ABCC4: variants seen among roughly 807,000 people sequenced by gnomAD.
ABCC4 encodes ATP binding cassette subfamily C member 4 (PEL blood group), also known as ATP-binding cassette sub-family C member 4.
A neutral mutation model predicts 168.5 loss-of-function variants in ABCC4; 102 were observed. That is an observed-to-expected ratio of 0.61 (90% CI 0.52 to 0.71). The LOEUF is 0.71. ABCC4 is among the 30% of genes least tolerant of loss of function. ABCC4 has a pLI of 0.00. For synonymous variants in ABCC4, 617 were observed against 590.7 expected, an observed-to-expected ratio of 1.04 and a Z score of -0.65; for missense variants, 1,402 against 1,605.8, an observed-to-expected ratio of 0.87 and a Z score of 2.17.
intron 8 of ABCC4, among the ~76,000 whole-genome samples, chr13:95,201,376 C>A (rs903455067): frequency 6.6e-6 from 1 of 152,182 alleles, no homozygotes; most frequent in Non-Finnish European, 1.5e-5. Flanking sequence ...GCCACACTCT[C>A]TGATGTGTGA....
intron 1 of ABCC4, among the ~76,000 whole-genome samples, chr13:95,297,736 C>CGGGCA (rs1221267608): frequency 6.6e-6 from 1 of 152,028 alleles, no homozygotes; most frequent in Non-Finnish European, 1.5e-5. Flanking sequence ...TTTGGGAGGC[C>CGGGCA]GAGGCAGGCA....
intron 8 of ABCC4, among the ~76,000 whole-genome samples, chr13:95,206,008 G>A (rs913194790): frequency 2.0e-5 from 3 of 152,148 alleles, no homozygotes; most frequent in Non-Finnish European, 2.9e-5. Flanking sequence ...GGAAAGAAAT[G>A]GCAGAGGTCC....
At chr13:95,068,321 G>A (rs1463252324) in intron 25 of ABCC4, among the ~76,000 whole-genome samples, 2 of 152,142 alleles carry the variant, frequency 1.3e-5, no homozygotes, top group Non-Finnish European at 2.9e-5. Context: ...AGTGAACCAG[G>A]ACACAAATCA....
At chr13:95,149,623 T>C (rs1335251142) in intron 19 of ABCC4, among the ~76,000 whole-genome samples, 1 of 152,138 alleles carries the variant, frequency 6.6e-6, no homozygotes, top group Non-Finnish European at 1.5e-5. Flanking sequence ...GTAAAGGTAA[T>C]GAAAAAAAAT....
At chr13:95,295,716 G>A (rs2041513080) in intron 1 of ABCC4, among the ~76,000 whole-genome samples, 1 of 151,954 alleles carries the variant, frequency 6.6e-6, no homozygotes, top group Non-Finnish European at 1.5e-5. Flanking sequence ...TGTAATCCCA[G>A]CACTTTGGGA....
At chr13:95,022,909 CT>C (rs1309471419) in intron 30 of ABCC4, among the ~76,000 whole-genome samples, 1 of 152,202 alleles carries the variant, frequency 6.6e-6, no homozygotes, top group East Asian at 1.9e-4. Context: ...TAAAATGTCA[CT>C]TAAGGAGAAA....
At chr13:95,052,517 G>C (rs1315162206) in intron 27 of ABCC4, among the ~76,000 whole-genome samples, 1 of 152,110 alleles carries the variant, frequency 6.6e-6, no homozygotes, top group Non-Finnish European at 1.5e-5. Context: ...ATAAATAATA[G>C]AAAAATCCTC....
At chr13:95,100,832 T>C (rs538359169) in intron 20 of ABCC4, among the ~76,000 whole-genome samples, 55 of 152,284 alleles carry the variant, frequency 3.6e-4, no homozygotes, top group Middle Eastern at 6.8e-3. Context: ...TAACGATCTC[T>C]TTTGTCCAAT....
intron 20 of ABCC4, among the ~76,000 whole-genome samples, chr13:95,106,716 A>G (rs972408886): frequency 1.3e-5 from 2 of 151,996 alleles, no homozygotes; most frequent in Non-Finnish European, 2.9e-5. Flanking sequence ...ATTAAGATAA[A>G]GGAGGGAGTA....
At chr13:95,045,630 T>C (rs141549065) in intron 27 of ABCC4, among the ~76,000 whole-genome samples, 1 of 152,332 alleles carries the variant, frequency 6.6e-6, no homozygotes, top group Non-Finnish European at 1.5e-5. Flanking sequence ...GATGATCTGA[T>C]ACTACATTGG....
At chr13:95,039,856 A>C (rs1438418590) in intron 29 of ABCC4, among the ~76,000 whole-genome samples, 1 of 152,190 alleles carries the variant, frequency 6.6e-6, no homozygotes, top group African/African-American at 2.4e-5. Context: ...ATAAAGCCTG[A>C]CCATAGGAAA....
chr13:95,278,468 G>A (rs1378851072), intron 1 of ABCC4, among the ~76,000 whole-genome samples: 1 of 152,142 alleles, frequency 6.6e-6, no homozygotes, highest in East Asian at 1.9e-4. Context: ...TTCTAGATGG[G>A]TGATCAAGGC....
At chr13:95,209,323 G>C in intron 6 of ABCC4, 111 bp downstream of exon 6, 1 of 1,268,998 alleles carries the variant, frequency 7.9e-7, no homozygotes, top group Non-Finnish European at 1.1e-6. Context: ...TGCAACATAT[G>C]CAAGGAAGAG....
At chr13:95,158,085 A>G (rs1321599077) in intron 19 of ABCC4, among the ~76,000 whole-genome samples, 5 of 151,880 alleles carry the variant, frequency 3.3e-5, no homozygotes, top group Admixed American at 3.3e-4. Context: ...AAAAAAAAAA[A>G]AAAAGAAACA....
At chr13:95,187,097 TGTAAC>T (rs1415640568) in intron 10 of ABCC4, among the ~76,000 whole-genome samples, 4 of 151,898 alleles carry the variant, frequency 2.6e-5, no homozygotes, top group Non-Finnish European at 4.4e-5. Flanking sequence ...CAAAATAGAG[TGTAAC>T]AATCTACTCT....
chr13:95,074,600 G>A (rs144989511), intron 22 of ABCC4, among the ~76,000 whole-genome samples: 52 of 152,272 alleles, frequency 3.4e-4, no homozygotes, highest in African/African-American at 1.2e-3. Context: ...AGGACATCTC[G>A]TACAGTGCTG....
chr13:95,029,186 A>ATATC (rs1566355147), intron 30 of ABCC4, among the ~76,000 whole-genome samples: 9 of 57,752 alleles, frequency 1.6e-4, no homozygotes, highest in African/African-American at 7.1e-4. Context: ...ATATATATAT[A>ATATC]TATATATATA....
chr13:95,119,726 C>G (rs1330792966), intron 19 of ABCC4, among the ~76,000 whole-genome samples: 1 of 152,150 alleles, frequency 6.6e-6, no homozygotes, highest in Admixed American at 6.6e-5. Flanking sequence ...CTGTGAGCCC[C>G]ATTCTTTTTT....
chr13:95,077,194 T>C (rs941091912), intron 21 of ABCC4, among the ~76,000 whole-genome samples: 3 of 152,228 alleles, frequency 2.0e-5, no homozygotes, highest in Non-Finnish European at 2.9e-5. Context: ...ACACGTGACC[T>C]AGCACAATGT....
Sources: gnomAD v4.1 joint callset for allele counts (sites outside exome capture counted in the v4.1 genomes callset) on GRCh38, gnomAD v4.1.1 for gene constraint, MANE v1.5 for transcripts, NCBI Gene and HGNC (gene_info 2026-07-23, HGNC 2026-07-21) for gene names.